The following PIWIL1 variants were observed in gnomAD, a reference collection of about 807,000 sequenced individuals.
PIWIL1 encodes the protein piwi like RNA-mediated gene silencing 1, also known as piwi-like protein 1.
In PIWIL1, 73 loss-of-function variants were observed where a neutral mutation model predicts 114.4. The ratio of observed to expected loss-of-function variants is 0.64; its 90% confidence interval spans 0.53 to 0.78. The LOEUF (loss-of-function observed/expected upper bound fraction) is 0.78, where lower values mean the gene tolerates loss of function less well. PIWIL1 is among the 30% of genes least tolerant of loss of function. PIWIL1 has a pLI of 0.00. For missense variants in PIWIL1, 723 were observed against 1,063.1 expected (o/e 0.68, Z 4.45); for synonymous variants, 375 against 369.0 (o/e 1.02, Z -0.19).
the PIWIL1 span, among the ~76,000 whole-genome samples, chr12:130,385,049 C>T: frequency 6.6e-6 from 1 of 152,200 alleles, no homozygotes; most frequent in Non-Finnish European, 1.5e-5. Flanking sequence ...CTCTTCCACG[C>T]TCACCATAAT....
chr12:130,407,187 C>T, the PIWIL1 span, among the ~76,000 whole-genome samples: 2 of 152,128 alleles, frequency 1.3e-5, no homozygotes, highest in Non-Finnish European at 2.9e-5. Context: ...TACTGTGTAA[C>T]ATGGGTTCAC....
At chr12:130,422,308 G>A in the PIWIL1 span, 1 of 558,324 alleles carries the variant, frequency 1.8e-6, no homozygotes, top group Non-Finnish European at 3.3e-6. This position sits in a 1 kb window ranked among gnomAD's most constrained non-coding sequence, Gnocchi z 5.2. Context: ...ATCTTGTGCT[G>A]TTCCTGCCTT....
the PIWIL1 span, among the ~76,000 whole-genome samples, chr12:130,403,036 G>C: frequency 6.6e-6 from 1 of 152,198 alleles, no homozygotes; most frequent in Non-Finnish European, 1.5e-5. Flanking sequence ...CCCTGCTTAC[G>C]CTTGTTTTAC....
chr12:130,357,436 T>C, intron 13 of PIWIL1, 45 bp from the exon 14 acceptor site: 1 of 1,414,010 alleles, frequency 7.1e-7, no homozygotes, highest in African/African-American at 1.4e-5. Context: ...ACGGTCCATT[T>C]GTCGCTACTG....
chr12:130,388,528 T>G, the PIWIL1 span, among the ~76,000 whole-genome samples: 1 of 152,232 alleles, frequency 6.6e-6, no homozygotes, highest in Non-Finnish European at 1.5e-5. Flanking sequence ...ATAGAATCAA[T>G]AGGAATATGT....
In PIWIL1 at chr12:130,350,414, G is replaced by T. The variant is rs567819184; in HGVS notation, c.1044+447G>T. 3.7e-3 allele frequency among the ~76,000 whole-genome samples: 556 copies of T among 152,290 alleles called. 2 individuals are homozygous for T. Among genetic ancestry groups the T allele is most frequent in the Non-Finnish European group, 5.4e-3 (366 of 68,024 alleles). On this transcript the variant is annotated intron_variant, in intron 9 of 20. Transcript: ENST00000245255. ...GCCTGTGGGTTAACTCTTAACTTTT[G>T]ATTTACATGTTAACAAAATGCAGAC...
rs2073395333 is a variant in PIWIL1 at position 130,357,492 on chromosome 12, A to G, written c.1604A>G (p.Asp535Gly). 1 of 1,612,934 alleles carries G rather than the reference A, an allele frequency of 6.2e-7. No homozygotes were observed. Among genetic ancestry groups the G allele is most frequent in the Non-Finnish European group, 8.5e-7 (1 of 1,178,946 alleles). ...TACTTTCATTCTAGGATTGAAGTGG[A>G]TGACAGAACTGAAGCCTACTTAAGA... Reference protein sequence around the residue: ...QMRKAIMIEVDDRTEAYLRVL... With the variant: ...QMRKAIMIEVGDRTEAYLRVL... Residue 535 changes from aspartate to glycine, a missense_variant, in exon 14 of 21, where the codon GAT becomes GGT. Around this residue, in one of 8 missense-constraint regions of PIWIL1, gnomAD observed 298 missense variants for 420.8 expected, o/e 0.71. Transcript: ENST00000245255.
chr12:130,417,688 A>G, the PIWIL1 span, among the ~76,000 whole-genome samples: 1 of 152,252 alleles, frequency 6.6e-6, no homozygotes, highest in Non-Finnish European at 1.5e-5. Flanking sequence ...CACTATACCC[A>G]TGTAACAGAC....
At chr12:130,399,460 G>A in the PIWIL1 span, among the ~76,000 whole-genome samples, 8 of 152,236 alleles carry the variant, frequency 5.3e-5, no homozygotes, top group Admixed American at 2.6e-4. Context: ...AAGGCAGATT[G>A]ATTGATTAGA....
the PIWIL1 span, among the ~76,000 whole-genome samples, chr12:130,389,301 T>C: frequency 6.6e-6 from 1 of 152,100 alleles, no homozygotes; most frequent in Admixed American, 6.5e-5. Flanking sequence ...AGGTATACAC[T>C]TCTCTTAAAA....
chr12:130,342,919 A>C lies in PIWIL1; in HGVS notation c.79-71A>C, dbSNP rs2072964419. 4 of 1,077,522 alleles carry C rather than the reference A, an allele frequency of 3.7e-6. No homozygotes were observed. The South Asian group carries it at 5.1e-5, about 14-fold the overall frequency. 66.7% of individuals were successfully genotyped at this position (1,077,522 alleles called of 1,614,324 possible). On this transcript the variant is annotated intron_variant, in intron 2 of 20. Transcript: ENST00000245255. Reference sequence around the variant, plus strand: ...GGTGTTGGTTGAATTCCTGAGACTTAAGACTAGAAATTTTCTCTGGTGTCT... The same window carrying C: ...GGTGTTGGTTGAATTCCTGAGACTTCAGACTAGAAATTTTCTCTGGTGTCT...
intron 4 of PIWIL1, 142 bp downstream of exon 4, chr12:130,346,020 G>A: frequency 1.3e-6 from 1 of 769,486 alleles, no homozygotes; most frequent in Admixed American, 3.0e-5. Context: ...TGGCGTTGAT[G>A]AAGTAGGTTA....
chr12:130,424,101 G>A, the PIWIL1 span: 1 of 1,095,542 alleles, frequency 9.1e-7, no homozygotes, highest in South Asian at 4.6e-5. This position sits in a 1 kb window ranked among gnomAD's most constrained non-coding sequence, Gnocchi z 9.8. Context: ...GGACAGATTG[G>A]TTTGGCAAGC....
chr12:130,369,060 C>G (rs541444464), intron 19 of PIWIL1, among the ~76,000 whole-genome samples: 1 of 152,140 alleles, frequency 6.6e-6, no homozygotes, highest in Non-Finnish European at 1.5e-5. Flanking sequence ...TCCTTACCCC[C>G]CAACAGGCCC....
At chr12:130,417,025 A>G in the PIWIL1 span, among the ~76,000 whole-genome samples, 1 of 152,188 alleles carries the variant, frequency 6.6e-6, no homozygotes, top group East Asian at 1.9e-4. Flanking sequence ...GAAATCCAAG[A>G]CAAAATCACA....
At chr12:130,411,684 A>T in the PIWIL1 span, among the ~76,000 whole-genome samples, 1 of 152,128 alleles carries the variant, frequency 6.6e-6, no homozygotes, top group Admixed American at 6.6e-5. Flanking sequence ...GGGAAAGGAG[A>T]TCTTAACAAA....
At chr12:130,375,946 T>C (rs2073863420), downstream of PIWIL1, among the ~76,000 whole-genome samples, 1 of 152,206 alleles carries the variant, frequency 6.6e-6, no homozygotes, top group Non-Finnish European at 1.5e-5. Context: ...TCCCCACACC[T>C]GACTGTTCCT....
chr12:130,408,797 T>C, the PIWIL1 span, among the ~76,000 whole-genome samples: 9 of 152,222 alleles, frequency 5.9e-5, no homozygotes, highest in Non-Finnish European at 8.8e-5. Flanking sequence ...AACATACAGA[T>C]GAAAACTATC....
intron 19 of PIWIL1, among the ~76,000 whole-genome samples, chr12:130,370,553 T>G (rs1184370849): frequency 2.0e-5 from 3 of 152,226 alleles, no homozygotes; most frequent in African/African-American, 7.2e-5. Context: ...GATTTTGGTA[T>G]CCTCAGGAGG....
Sources: allele counts gnomAD v4.1 joint callset (sites outside exome capture counted in the v4.1 genomes callset), GRCh38; gene constraint gnomAD v4.1.1; regional missense constraint gnomAD v4.1.1; non-coding constraint Gnocchi (gnomAD v3.1); transcripts MANE v1.5; gene names NCBI Gene and HGNC (gene_info 2026-07-23, HGNC 2026-07-21).